XPR1: variants seen among roughly 807,000 people sequenced by gnomAD.
XPR1 encodes the protein solute carrier family 53 member 1.
A neutral mutation model predicts 87.5 loss-of-function variants in XPR1; 28 were observed. That is an observed-to-expected ratio of 0.32 (90% CI 0.24 to 0.44). XPR1 has a LOEUF of 0.44. Ranked by LOEUF, XPR1 falls within the 20% of genes least tolerant of loss-of-function variation. The probability of loss-of-function intolerance (pLI) is 1.00; values close to 1 mark genes in which losing one functional copy is unlikely to be tolerated. For missense variants in XPR1, 559 were observed against 862.3 expected (o/e 0.65, Z 4.41); for synonymous variants, 300 against 306.1 (o/e 0.98, Z 0.21).
chr1:180,654,915 T>A (rs1557940305), intron 1 of XPR1, among the ~76,000 whole-genome samples: 1 of 152,172 alleles, frequency 6.6e-6, no homozygotes, highest in Non-Finnish European at 1.5e-5. Flanking sequence ...GAGATCCTGG[T>A]TTCAGTACCT....
intron 11 of XPR1, among the ~76,000 whole-genome samples, chr1:180,840,532 T>TTGTGTGTGTGTGTGTG (rs373937004): frequency 3.1e-4 from 34 of 110,436 alleles, no homozygotes; most frequent in Admixed American, 1.8e-3. Flanking sequence ...GTTAACATAT[T>TTGTGTGTGTGTGTGTG]TGTGTGTGTG....
chr1:180,800,401 C>T (rs566808716), intron 3 of XPR1, among the ~76,000 whole-genome samples: 8 of 152,246 alleles, frequency 5.3e-5, no homozygotes, highest in Non-Finnish European at 1.0e-4. Context: ...AGAGTAGTCT[C>T]GAAGAGCTAA....
At chr1:180,834,327 C>T (rs1386638053) in intron 9 of XPR1, among the ~76,000 whole-genome samples, 1 of 152,186 alleles carries the variant, frequency 6.6e-6, no homozygotes, top group African/African-American at 2.4e-5. Context: ...ATCCACCCAC[C>T]TTGGCCTCCC....
In XPR1 at chr1:180,690,061, A is replaced by G. The variant is rs528035737; in HGVS notation, c.121+7650A>G. The stretch of plus-strand genomic sequence containing the variant: ...AACCTGGCTACTCTGGAGGCTAAGC[A>G]ATGAGAATTGCTTGAACCCAGGAGA... On this transcript the variant is annotated intron_variant, in intron 2 of 14. Coordinates refer to ENST00000367590, the MANE Select transcript of XPR1 (RefSeq NM_004736.4). Among the ~76,000 whole-genome samples the G allele has an allele frequency of 4.3e-3, 648 of 152,044 alleles. 6 individuals are homozygous for G. The highest frequency in any genetic ancestry group is 0.015 in the African/African-American group (611 of 41,466).
At chr1:180,796,880 A>G (rs1409960274) in intron 3 of XPR1, among the ~76,000 whole-genome samples, 1 of 152,228 alleles carries the variant, frequency 6.6e-6, no homozygotes, top group Non-Finnish European at 1.5e-5. Context: ...TGAAACTCAA[A>G]ATCATCCTGC....
At chr1:180,759,040 C>A (rs1647878373) in intron 2 of XPR1, among the ~76,000 whole-genome samples, 1 of 152,080 alleles carries the variant, frequency 6.6e-6, no homozygotes, top group Non-Finnish European at 1.5e-5. Context: ...AAAATGAAGG[C>A]AGAAATAAAG....
chr1:180,751,655 T>C (rs1230351890), intron 2 of XPR1, among the ~76,000 whole-genome samples: 3 of 152,126 alleles, frequency 2.0e-5, no homozygotes, highest in African/African-American at 7.2e-5. Context: ...TGATAGCATT[T>C]AAAATTTTTG....
chr1:180,635,944 G>A (rs943363939), intron 1 of XPR1, among the ~76,000 whole-genome samples: 1 of 152,120 alleles, frequency 6.6e-6, no homozygotes, highest in Non-Finnish European at 1.5e-5. Flanking sequence ...AGTATTAATA[G>A]CATCCTTTAA....
chr1:180,792,131 G>A (rs1225258754), intron 3 of XPR1, among the ~76,000 whole-genome samples: 1 of 152,174 alleles, frequency 6.6e-6, no homozygotes, highest in Non-Finnish European at 1.5e-5. Context: ...CTCCCCAGAA[G>A]ATTGTAGACT....
intron 3 of XPR1, among the ~76,000 whole-genome samples, chr1:180,795,626 A>G (rs1475410068): frequency 6.6e-6 from 1 of 152,180 alleles, no homozygotes; most frequent in Non-Finnish European, 1.5e-5. Flanking sequence ...AACATTAGGT[A>G]TTTCTTTTGT....
At chr1:180,825,471 G>A (rs1282035223) in intron 9 of XPR1, 127 bp downstream of exon 9, 3 of 953,020 alleles carry the variant, frequency 3.1e-6, no homozygotes, top group East Asian at 5.6e-5. Context: ...GTTTATGTGA[G>A]TGGAGGCCCT....
rs577618415 is a variant in XPR1, at chr1:180,863,721, G to C, written c.1515G>C (p.Ser505=). ...LYSTHKERGH[S]DTMVFFYLWI... ...TTCTTTCTTCAGAACGAGGTCACTC[G>C]GACACTATGGTGTTCTTTTACCTGT... The change falls in exon 12 of 15, where the codon TCG becomes TCC. Residue 505 remains serine (S), a synonymous_variant. Coordinates refer to ENST00000367590, the MANE Select transcript of XPR1 (RefSeq NM_004736.4). 40 of 1,577,930 alleles carry C rather than the reference G, an allele frequency of 2.5e-5. No homozygotes were observed. In the Admixed American group the frequency reaches 5.0e-4, roughly 20 times the overall value.
At chr1:180,812,134 G>T (rs557368480) in intron 7 of XPR1, among the ~76,000 whole-genome samples, 5 of 152,232 alleles carry the variant, frequency 3.3e-5, no homozygotes, top group Admixed American at 3.3e-4. Context: ...CACTTTGATT[G>T]TTTTTTCTGG....
chr1:180,800,246 T>G (rs1204832021), intron 3 of XPR1, among the ~76,000 whole-genome samples: 1 of 152,226 alleles, frequency 6.6e-6, no homozygotes. Context: ...GTCACCTGAA[T>G]ATCATAAATG....
At chr1:180,699,226 T>A (rs1397960383) in intron 2 of XPR1, among the ~76,000 whole-genome samples, 10 of 143,466 alleles carry the variant, frequency 7.0e-5, no homozygotes, top group African/African-American at 2.4e-4. Context: ...TTTTTTTTTT[T>A]ATTATACTCT....
At chr1:180,738,543 T>C (rs80337443) in intron 2 of XPR1, among the ~76,000 whole-genome samples, 6,251 of 152,310 alleles carry the variant, frequency 0.041, 166 homozygotes, top group African/African-American at 0.072. Context: ...CCATTTAAAA[T>C]GTTCAGTTGT....
At chr1:180,796,197 G>A (rs1377982425) in intron 3 of XPR1, among the ~76,000 whole-genome samples, 3 of 152,042 alleles carry the variant, frequency 2.0e-5, no homozygotes, top group Non-Finnish European at 4.4e-5. Flanking sequence ...ACTTTTCCAG[G>A]TTCTGTGCAG....
intron 1 of XPR1, among the ~76,000 whole-genome samples, chr1:180,681,838 C>A (rs1048709651): frequency 1.3e-4 from 19 of 151,804 alleles, no homozygotes; most frequent in African/African-American, 4.6e-4. Flanking sequence ...AATAAAATTT[C>A]ATTAAAAAAA....
At chr1:180,705,769 A>AG (rs1318641197) in intron 2 of XPR1, among the ~76,000 whole-genome samples, 1 of 151,964 alleles carries the variant, frequency 6.6e-6, no homozygotes, top group Non-Finnish European at 1.5e-5. Context: ...GGCAAAAAAA[A>AG]GTTAGGTTAA....
Sources: allele counts gnomAD v4.1 joint callset (sites outside exome capture counted in the v4.1 genomes callset), GRCh38; gene constraint gnomAD v4.1.1; transcripts MANE v1.5; gene names NCBI Gene and HGNC (gene_info 2026-07-23, HGNC 2026-07-21).